Variants in SLC9A1 observed in about 807,000 individuals in gnomAD.
SLC9A1 encodes the protein sodium/hydrogen exchanger 1.
A neutral mutation model predicts 67.9 loss-of-function variants in SLC9A1; 22 were observed. The ratio of observed to expected loss-of-function variants is 0.32; its 90% CI spans 0.23 to 0.46. The LOEUF (loss-of-function observed/expected upper bound fraction) is 0.46. SLC9A1 is among the 20% of genes least tolerant of loss of function. The pLI is 1.00. For synonymous variants in SLC9A1, 421 were observed against 471.8 expected, an observed-to-expected ratio of 0.89 and a Z score of 1.40; for missense variants, 686 against 1,094.8, an observed-to-expected ratio of 0.63 and a Z score of 5.27.
rs1420556496 is a variant in SLC9A1, at chr1:27,103,298, C to A, written c.1500G>T (p.Arg500=). The change falls in exon 6 of 12, where the codon CGG becomes CGT. Residue 500 remains arginine, a synonymous_variant. Coordinates refer to ENST00000263980, the MANE Select transcript of SLC9A1 (RefSeq NM_003047.5). Reference sequence around the variant, plus strand: ...TCACAGCCAACAGGTCTACCAGGGGCCGAATGGTCATGCCCTGGGGGGCAG... The same window carrying A: ...TCACAGCCAACAGGTCTACCAGGGGACGAATGGTCATGCCCTGGGGGGCAG... ...FTVFVQGMTI[R]PLVDLLAVKK... is the part of the protein sequence containing the mutation. 1.2e-5 allele frequency: 19 copies of A among 1,613,686 alleles called. No homozygotes were observed. In the East Asian group the frequency reaches 3.8e-4, roughly 32 times the overall value.
chr1:27,144,950 G>A (rs1252071804), intron 1 of SLC9A1, among the ~76,000 whole-genome samples: 3 of 151,976 alleles, frequency 2.0e-5, no homozygotes, highest in South Asian at 4.1e-4. Flanking sequence ...TACTCTGGAG[G>A]CTGAGGCAGA....
intron 1 of SLC9A1, among the ~76,000 whole-genome samples, chr1:27,149,871 C>T (rs554166453): frequency 1.3e-5 from 2 of 152,288 alleles, no homozygotes; most frequent in South Asian, 2.1e-4. Flanking sequence ...AGGCAAACTT[C>T]GAGGGTGCTC....
rs114505541 is a variant in SLC9A1 at position 27,123,402 on chromosome 1, C to T, written c.353-9116G>A. Among the ~76,000 whole-genome samples, 528 of 152,260 alleles carry T rather than the reference C, an allele frequency of 3.5e-3. 5 individuals are homozygous for T. The highest frequency in any genetic ancestry group is 0.011 in the African/African-American group (477 of 41,542). Reference sequence around the variant, plus strand: ...AATCACACATGCTGTGCTTCAACTGCTTCTATGGGGCAGAGACTGCACTAA... The same window carrying T: ...AATCACACATGCTGTGCTTCAACTGTTTCTATGGGGCAGAGACTGCACTAA... On this transcript the variant is annotated intron_variant, in intron 1 of 11. Coordinates refer to ENST00000263980, the MANE Select transcript of SLC9A1 (RefSeq NM_003047.5).
chr1:27,109,646 G>C lies in SLC9A1; in HGVS notation c.945C>G (p.Ile315Met), dbSNP rs781644348. 2 of 1,613,880 alleles carry C rather than the reference G, an allele frequency of 1.2e-6. No individual in the cohort carries two copies. The highest frequency in any genetic ancestry group is 2.2e-5 in the South Asian group (2 of 91,086). ...GVLVGVVYGV[I>M]AAFTSRFTSH... is the part of the protein sequence containing the mutation. ...AGGTAAATCGGGAGGTGAAGGCTGC[G>C]ATGACCCCGTAGACCACGCCCACAA... Residue 315 changes from isoleucine (I) to methionine (M), a missense_variant, in exon 3 of 12, where the codon ATC (isoleucine) becomes ATG (methionine). By Grantham distance (10) the Ile-to-Met change is conservative. Around this residue, in one of 7 missense-constraint regions of SLC9A1, gnomAD observed 58 missense variants for 68.9 expected, o/e 0.84. Coordinates refer to ENST00000263980, the MANE Select transcript of SLC9A1 (RefSeq NM_003047.5). The surrounding 1 kb of genome is among the most constrained non-coding windows in gnomAD (Gnocchi z 5.5).
At chr1:27,133,781 T>G (rs1263314660) in intron 1 of SLC9A1, among the ~76,000 whole-genome samples, 2 of 151,706 alleles carry the variant, frequency 1.3e-5, no homozygotes, top group African/African-American at 4.8e-5. Context: ...TTTTTTTTTT[T>G]TGGGACAGAA....
In SLC9A1 at chr1:27,099,529, A is replaced by AGC. The variant is rs1205057303; in HGVS notation, c.*776_*777dup. Reference sequence around the variant, plus strand: ...GTTTTCAAAATGTTTTAAAAACAGGAGCGCCCTCTGTGCAAACAATCATAT... The same window carrying AGC: ...GTTTTCAAAATGTTTTAAAAACAGGAGCGCGCCCTCTGTGCAAACAATCATAT... On this transcript the variant is annotated 3_prime_UTR_variant, in exon 12 of 12. Coordinates refer to ENST00000263980, the MANE Select transcript of SLC9A1 (RefSeq NM_003047.5). The AGC allele has an allele frequency of 6.6e-6, 1 of 152,644 alleles. No homozygotes were observed. Among genetic ancestry groups the AGC allele is most frequent in the African/African-American group, 2.4e-5 (1 of 41,446 alleles). 9.5% of individuals were successfully genotyped at this position (152,644 alleles called of 1,614,324 possible).
intron 1 of SLC9A1, among the ~76,000 whole-genome samples, chr1:27,152,878 C>A (rs2083539394): frequency 6.6e-6 from 1 of 152,202 alleles, no homozygotes. Context: ...AATTCCCAAA[C>A]CCAAATCTCA....
chr1:27,117,380 GA>G (rs1339277394), intron 1 of SLC9A1, among the ~76,000 whole-genome samples: 1 of 152,208 alleles, frequency 6.6e-6, no homozygotes, highest in Non-Finnish European at 1.5e-5. Context: ...AGAGAAGGCA[GA>G]GTCTAAAGAG....
chr1:27,129,152 A>G (rs991369469), intron 1 of SLC9A1, among the ~76,000 whole-genome samples: 1 of 152,198 alleles, frequency 6.6e-6, no homozygotes, highest in Admixed American at 6.5e-5. Flanking sequence ...TTAAGGCTCC[A>G]TGGGCAGCAG....
Position 27,109,805 on chromosome 1 carries a change from G to A in SLC9A1, c.814-28C>T. On this transcript the variant is annotated intron_variant, in intron 2 of 11. Transcript: ENST00000263980. The surrounding 1 kb of genome is among the most constrained non-coding windows in gnomAD (Gnocchi z 5.5). ...GGGGAGGGTGTGCAGGCTGGTGGGT[G>A]GGAGGAGAGGGCCCTGGCCCCACGG... 1 of 1,611,618 alleles carries A rather than the reference G, an allele frequency of 6.2e-7. No individual in the cohort carries two copies. The highest frequency in any genetic ancestry group is 8.5e-7 in the Non-Finnish European group (1 of 1,179,048).
chr1:27,148,019 CAG>C (rs1212862382), intron 1 of SLC9A1, among the ~76,000 whole-genome samples: 2 of 151,770 alleles, frequency 1.3e-5, no homozygotes, highest in African/African-American at 2.4e-5. Context: ...AAAAAGAAAA[CAG>C]GGGCTCAGAG....
chr1:27,101,830 T>A lies in SLC9A1; in HGVS notation c.1936-4A>T. The A allele has an allele frequency of 1.2e-6, 2 of 1,606,796 alleles. No homozygotes were observed. The highest frequency in any genetic ancestry group is 1.7e-6 in the Non-Finnish European group (2 of 1,176,106). On this transcript the variant is annotated splice_polypyrimidine_tract_variant and splice_region_variant and intron_variant, in intron 9 of 11. Coordinates refer to ENST00000263980, the MANE Select transcript of SLC9A1 (RefSeq NM_003047.5). The surrounding 1 kb of genome is among the most constrained non-coding windows in gnomAD (Gnocchi z 4.9). ...TGTGTCTGTTGTAGGACCGCAGCTG[T>A]GGGAGGGACAGCGTCAGGGCAGTGC... is the stretch of plus-strand genomic sequence containing the variant.
chr1:27,134,287 G>T (rs2083404828), intron 1 of SLC9A1, among the ~76,000 whole-genome samples: 1 of 152,164 alleles, frequency 6.6e-6, no homozygotes, highest in Admixed American at 6.5e-5. Flanking sequence ...CTGGGCTACA[G>T]TTTCCTCACA....
chr1:27,105,683 C>A (rs1448829755), intron 5 of SLC9A1: 3 of 715,176 alleles, frequency 4.2e-6, no homozygotes, highest in East Asian at 2.7e-5. Context: ...AGTCACTCTG[C>A]AATGACTCAT....
chr1:27,102,395 CGGT>C lies in SLC9A1; in HGVS notation c.1807_1809del (p.Thr603del), dbSNP rs749820620. The C allele has an allele frequency of 6.8e-4, 1,085 of 1,589,898 alleles. 1 individual carries two copies. Among genetic ancestry groups the C allele is most frequent in the Non-Finnish European group, 5.4e-4 (632 of 1,163,092 alleles). ...TGCCCCAGCACTCACTGCATGGAGA[CGGT>C]GGAGACGGCAGAGGGGATCTTGCCC... is the stretch of plus-strand genomic sequence containing the variant. On this transcript the variant is annotated inframe_deletion, in exon 8 of 12. Coordinates refer to ENST00000263980, the MANE Select transcript of SLC9A1 (RefSeq NM_003047.5).
At chr1:27,111,739 AG>A (rs1238768993) in intron 2 of SLC9A1, among the ~76,000 whole-genome samples, 3 of 152,170 alleles carry the variant, frequency 2.0e-5, no homozygotes, top group Non-Finnish European at 4.4e-5. Flanking sequence ...GAGGAGTTTG[AG>A]GGTGCAGTGA....
At chr1:27,121,037 CAATA>C (rs913988236) in intron 1 of SLC9A1, among the ~76,000 whole-genome samples, 1 of 152,164 alleles carries the variant, frequency 6.6e-6, no homozygotes, top group African/African-American at 2.4e-5. Context: ...TTCAAGTCTG[CAATA>C]AATATGCCTC....
chr1:27,148,901 A>C (rs2083506739), intron 1 of SLC9A1, among the ~76,000 whole-genome samples: 1 of 151,966 alleles, frequency 6.6e-6, no homozygotes, highest in African/African-American at 2.4e-5. Flanking sequence ...GCTAAAGGAG[A>C]CCACCCTTTA....
intron 6 of SLC9A1, 53 bp downstream of exon 6, chr1:27,103,170 C>T: frequency 7.6e-7 from 1 of 1,317,506 alleles, no homozygotes; most frequent in Admixed American, 1.7e-5. Flanking sequence ...CAGCTGCTCC[C>T]TATCTCCCTG....
Sources: allele counts gnomAD v4.1 joint callset (sites outside exome capture counted in the v4.1 genomes callset), GRCh38; gene constraint gnomAD v4.1.1; regional missense constraint gnomAD v4.1.1; non-coding constraint Gnocchi (gnomAD v3.1); transcripts MANE v1.5; gene names NCBI Gene and HGNC (gene_info 2026-07-23, HGNC 2026-07-21).